The following CCSER2 variants were observed in gnomAD, a reference collection of about 807,000 sequenced individuals.
CCSER2 encodes serine-rich coiled-coil domain-containing protein 2.
Under a neutral mutation model 92.3 loss-of-function variants are expected in CCSER2, and 46 were observed. The observed-to-expected ratio is 0.50, with a 90% CI of 0.39 to 0.64. The LOEUF (loss-of-function observed/expected upper bound fraction) is 0.64. Ranked by LOEUF, CCSER2 falls within the 30% of genes least tolerant of loss-of-function variation. CCSER2 has a pLI of 0.00. For missense variants in CCSER2, 1,244 were observed against 1,238.9 expected (o/e 1.00, Z -0.06); for synonymous variants, 433 against 431.4 (o/e 1.00, Z -0.04).
intron 3 of CCSER2, 79 bp downstream of exon 3, chr10:84,373,894 A>C: frequency 1.3e-6 from 2 of 1,575,074 alleles, no homozygotes; most frequent in Non-Finnish European, 1.7e-6. Context: ...TGATTTTGTA[A>C]AAAATTTATG....
At chr10:84,483,986 TATATATATATAA>T (rs1399751141) in intron 9 of CCSER2, among the ~76,000 whole-genome samples, 27 of 114,216 alleles carry the variant, frequency 2.4e-4, no homozygotes, top group South Asian at 1.7e-3. Flanking sequence ...TATATATATA[TATATATATATAA>T]TTTTTTTTTT....
chr10:84,356,685 G>GT (rs1845190655), intron 1 of CCSER2, among the ~76,000 whole-genome samples: 1 of 152,120 alleles, frequency 6.6e-6, no homozygotes. Context: ...CTTCATTAGG[G>GT]TTAGTAACCC....
chr10:84,400,019 G>T (rs74965783), intron 3 of CCSER2, among the ~76,000 whole-genome samples: 10 of 151,710 alleles, frequency 6.6e-5, no homozygotes, highest in Non-Finnish European at 1.5e-4. Flanking sequence ...TGTGTTTATT[G>T]TCTATTTGTA....
At chr10:84,365,528 G>A (rs1845733287) in intron 1 of CCSER2, among the ~76,000 whole-genome samples, 1 of 152,182 alleles carries the variant, frequency 6.6e-6, no homozygotes, top group South Asian at 2.1e-4. Flanking sequence ...GATGTGATTT[G>A]TGTTGCAATT....
chr10:84,452,615 A>AT (rs1392533418), intron 6 of CCSER2, among the ~76,000 whole-genome samples: 1 of 152,130 alleles, frequency 6.6e-6, no homozygotes, highest in Non-Finnish European at 1.5e-5. Flanking sequence ...TGAATTACTT[A>AT]TTTTTTGTTC....
chr10:84,400,362 G>T (rs1368225737), intron 3 of CCSER2, among the ~76,000 whole-genome samples: 2 of 152,008 alleles, frequency 1.3e-5, no homozygotes, highest in Non-Finnish European at 2.9e-5. Flanking sequence ...AAAAAGTCGG[G>T]GTTTTGCTAT....
chr10:84,483,670 T>G (rs1448131178), intron 9 of CCSER2, among the ~76,000 whole-genome samples: 1 of 151,978 alleles, frequency 6.6e-6, no homozygotes, highest in African/African-American at 2.4e-5. Context: ...GGCAAACGAT[T>G]TATCTTATGA....
At chr10:84,474,242 G>A (rs1846994928) in intron 8 of CCSER2, among the ~76,000 whole-genome samples, 1 of 152,196 alleles carries the variant, frequency 6.6e-6, no homozygotes, top group East Asian at 1.9e-4. Context: ...AAGTGGGCTA[G>A]CAGTATAGTA....
chr10:84,417,348 C>G (rs1248592166), intron 3 of CCSER2, among the ~76,000 whole-genome samples: 1 of 152,122 alleles, frequency 6.6e-6, no homozygotes, highest in African/African-American at 2.4e-5. Context: ...ATGGAATAAC[C>G]ACATTGTTAA....
chr10:84,405,585 A>G (rs955804642), intron 3 of CCSER2, among the ~76,000 whole-genome samples: 1 of 152,234 alleles, frequency 6.6e-6, no homozygotes, highest in East Asian at 1.9e-4. Flanking sequence ...TCCAGAATGT[A>G]TAAAGAACTC....
At chr10:84,433,389 G>T (rs1217502216) in intron 5 of CCSER2, among the ~76,000 whole-genome samples, 1 of 151,734 alleles carries the variant, frequency 6.6e-6, no homozygotes, top group African/African-American at 2.4e-5. Flanking sequence ...TGTGACTCAG[G>T]TTACATAAGA....
Position 84,495,775 on chromosome 10 carries a change from GT to G in CCSER2, c.2326-17662del, listed in dbSNP as rs753940405. 3.3e-3 allele frequency among the ~76,000 whole-genome samples: 445 copies of G among 133,264 alleles called. 1 individual carries two copies. The highest frequency in any genetic ancestry group is 7.4e-3 in the African/African-American group (258 of 34,948). The allele number at this position is 133,264 out of a possible 152,430, so 87.4% of individuals were successfully genotyped here. ...AATATAAGCACATCAAATTTCTTTT[GT>G]TTTTTTTTTTTGGCGTGGTATATCG... is the stretch of plus-strand genomic sequence containing the variant. On this transcript the variant is annotated intron_variant, in intron 9 of 9. Coordinates refer to ENST00000372088, the MANE Select transcript of CCSER2 (RefSeq NM_001284240.2).
intron 9 of CCSER2, among the ~76,000 whole-genome samples, chr10:84,494,539 G>A (rs1848341491): frequency 6.6e-6 from 1 of 152,136 alleles, no homozygotes; most frequent in African/African-American, 2.4e-5. Flanking sequence ...GTTCAAGATG[G>A]AATTGCTCTG....
intron 6 of CCSER2, among the ~76,000 whole-genome samples, chr10:84,450,076 C>T (rs1030666767): frequency 6.6e-6 from 1 of 152,128 alleles, no homozygotes; most frequent in African/African-American, 2.4e-5. Flanking sequence ...TTTAATTGCT[C>T]ACAATTTTAT....
chr10:84,345,437 A>G (rs1475448528), intron 1 of CCSER2, among the ~76,000 whole-genome samples: 1 of 152,208 alleles, frequency 6.6e-6, no homozygotes, highest in Non-Finnish European at 1.5e-5. Context: ...GAATGTTACC[A>G]TCTAATCATT....
intron 9 of CCSER2, among the ~76,000 whole-genome samples, chr10:84,506,887 T>G (rs1226822826): frequency 6.6e-6 from 1 of 152,158 alleles, no homozygotes; most frequent in Non-Finnish European, 1.5e-5. Flanking sequence ...AAAAATTCAT[T>G]TCTACCTCCT....
In CCSER2 at chr10:84,436,634, C is replaced by CAAAA. The variant is rs71013322; in HGVS notation, c.1869-1863_1869-1860dup. Reference sequence around the variant, plus strand: ...TGGGGGACAGAGCGAGACTCCGTCTCAAAAAAAAAAAAAAAAAAGGAAGTC... The same window carrying CAAAA: ...TGGGGGACAGAGCGAGACTCCGTCTCAAAAAAAAAAAAAAAAAAAAAAGGAAGTC... On this transcript the variant is annotated intron_variant, in intron 5 of 9. Coordinates refer to ENST00000372088, the MANE Select transcript of CCSER2 (RefSeq NM_001284240.2). 8.5e-5 allele frequency among the ~76,000 whole-genome samples: 8 copies of CAAAA among 93,876 alleles called. No individual in the cohort carries two copies. The East Asian group carries it at 9.1e-4, about 11-fold the overall frequency. The allele number at this position is 93,876 out of a possible 152,430, so 61.6% of individuals were successfully genotyped here. A position where few individuals can be genotyped will look rare whatever the true frequency, so the allele number is the denominator to read the frequency against.
At chr10:84,377,352 T>A (rs1223304503) in intron 3 of CCSER2, among the ~76,000 whole-genome samples, 1 of 152,182 alleles carries the variant, frequency 6.6e-6, no homozygotes, top group Non-Finnish European at 1.5e-5. Context: ...CTAGTCCCCA[T>A]CTGGAAATTA....
intron 3 of CCSER2, among the ~76,000 whole-genome samples, chr10:84,375,637 A>G (rs940035763): frequency 1.0e-4 from 15 of 149,062 alleles, no homozygotes; most frequent in Non-Finnish European, 1.6e-4. Flanking sequence ...TTTTCCAAAT[A>G]TTAATATACC....
Sources: gnomAD v4.1 joint callset for allele counts (sites outside exome capture counted in the v4.1 genomes callset) on GRCh38, gnomAD v4.1.1 for gene constraint, MANE v1.5 for transcripts, NCBI Gene and HGNC (gene_info 2026-07-23, HGNC 2026-07-21) for gene names.